DIAPH3: variants seen among roughly 807,000 people sequenced by gnomAD.
The protein encoded by DIAPH3 is diaphanous related formin 3.
In DIAPH3, 117 loss-of-function variants were observed where a neutral mutation model predicts 144.3. The observed-to-expected ratio is 0.81, with a 90% CI of 0.70 to 0.95. The LOEUF is 0.95. Ranked by LOEUF, DIAPH3 falls within the 40% of genes least tolerant of loss-of-function variation. The pLI is 0.00. For missense variants in DIAPH3, 1,421 were observed against 1,412.7 expected (o/e 1.01, Z -0.09); for synonymous variants, 519 against 488.9 (o/e 1.06, Z -0.81).
At chr13:60,076,137 A>G (rs1043281200) in intron 4 of DIAPH3, among the ~76,000 whole-genome samples, 6 of 152,180 alleles carry the variant, frequency 3.9e-5, no homozygotes, top group African/African-American at 9.7e-5. Flanking sequence ...CTGCCACCAA[A>G]GCAGCTCGAA....
At chr13:59,861,320 G>T in intron 22 of DIAPH3, 87 bp downstream of exon 22, 8 of 1,604,388 alleles carry the variant, frequency 5.0e-6, no homozygotes, top group Non-Finnish European at 6.8e-6. Context: ...TGAGAAAGTG[G>T]AAAGTACATA....
At chr13:59,685,642 T>C (rs186127725) in intron 27 of DIAPH3, among the ~76,000 whole-genome samples, 1 of 152,214 alleles carries the variant, frequency 6.6e-6, no homozygotes, top group East Asian at 1.9e-4. Flanking sequence ...AGGGGTACTC[T>C]GTCATCGCCT....
At chr13:59,957,927 G>A (rs758722991) in intron 17 of DIAPH3, among the ~76,000 whole-genome samples, 1 of 152,072 alleles carries the variant, frequency 6.6e-6, no homozygotes, top group Non-Finnish European at 1.5e-5. Flanking sequence ...GTGAAACCCT[G>A]AAAAATAATT....
intron 4 of DIAPH3, among the ~76,000 whole-genome samples, chr13:60,080,334 G>A (rs576370308): frequency 6.6e-6 from 1 of 151,878 alleles, no homozygotes; most frequent in Non-Finnish European, 1.5e-5. Context: ...ATTCTACAAT[G>A]TGTTATAGAA....
chr13:59,712,593 C>T (rs2138840628), intron 27 of DIAPH3, among the ~76,000 whole-genome samples: 1 of 152,320 alleles, frequency 6.6e-6, no homozygotes, highest in South Asian at 2.1e-4. Context: ...ATATCTTATG[C>T]ACCTAGCTCA....
intron 17 of DIAPH3, among the ~76,000 whole-genome samples, chr13:59,936,031 T>C (rs1469243515): frequency 5.9e-5 from 9 of 152,170 alleles, no homozygotes; most frequent in Admixed American, 2.0e-4. Flanking sequence ...TTGAAGGTCT[T>C]TTTTCTGCAA....
chr13:59,929,092 G>C (rs920966065), intron 17 of DIAPH3, among the ~76,000 whole-genome samples: 11 of 152,108 alleles, frequency 7.2e-5, no homozygotes, highest in Non-Finnish European at 1.3e-4. Context: ...ACACTCAAAG[G>C]TTATGTTCAA....
At chr13:60,031,775 C>T (rs1376764342) in intron 5 of DIAPH3, among the ~76,000 whole-genome samples, 1 of 61,066 alleles carries the variant, frequency 1.6e-5, no homozygotes, top group Admixed American at 2.9e-4. Context: ...TGGGGTCTTT[C>T]GCTTTGTCAC....
intron 27 of DIAPH3, among the ~76,000 whole-genome samples, chr13:59,731,730 T>C (rs2035900639): frequency 6.6e-6 from 1 of 152,176 alleles, no homozygotes; most frequent in South Asian, 2.1e-4. Context: ...TATAGTCCTA[T>C]ATAGTTATTA....
intron 27 of DIAPH3, among the ~76,000 whole-genome samples, chr13:59,773,135 T>C (rs577210415): frequency 6.6e-6 from 1 of 152,276 alleles, no homozygotes; most frequent in East Asian, 1.9e-4. Flanking sequence ...TGTATTGTTA[T>C]ACAAGAGAAA....
At chr13:59,839,187 C>A (rs1182260233) in intron 23 of DIAPH3, 137 bp downstream of exon 23, 21 of 970,170 alleles carry the variant, frequency 2.2e-5, no homozygotes, top group Non-Finnish European at 3.1e-6. Flanking sequence ...AATTTCCCTG[C>A]AAGAAGGCAA....
intron 24 of DIAPH3, among the ~76,000 whole-genome samples, chr13:59,815,990 A>T (rs1315179807): frequency 1.3e-5 from 2 of 152,080 alleles, no homozygotes; most frequent in Non-Finnish European, 2.9e-5. Context: ...ACTTTGGAGT[A>T]GGGTGGAGGG....
At chr13:60,002,730 CAGA>C (rs1189264402) in intron 9 of DIAPH3, among the ~76,000 whole-genome samples, 1 of 152,152 alleles carries the variant, frequency 6.6e-6, no homozygotes, top group Non-Finnish European at 1.5e-5. Flanking sequence ...GACATATACA[CAGA>C]AGAAGAACCA....
rs1215971444 is a variant in DIAPH3, at chr13:59,774,790, A to G, written c.3197T>C (p.Leu1066Pro). The G allele has an allele frequency of 3.1e-6, 5 of 1,614,192 alleles. No homozygotes were observed. Among genetic ancestry groups the G allele is most frequent in the Non-Finnish European group, 4.2e-6 (5 of 1,180,024 alleles). ...GGCAGCCCCGGACTGCAAGGCCTCC[A>G]GCAGATTATCCATCACTCCTGTCTC... The part of the protein sequence containing the change: ...GDETGVMDNL[L>P]EALQSGAAFR... The change falls in exon 26 of 28, where the codon CTG becomes CCG. Residue 1066 changes from leucine (L) to proline (P), a missense_variant. By Grantham distance (98) the Leu-to-Pro change is moderately conservative (BLOSUM62 -3). Transcript: ENST00000400324.
At chr13:59,904,493 C>G (rs144103370) in intron 20 of DIAPH3, among the ~76,000 whole-genome samples, 171 of 152,144 alleles carry the variant, frequency 1.1e-3, no homozygotes, top group African/African-American at 3.9e-3. Context: ...GCTCGGGGAG[C>G]AACTGAAGGA....
chr13:59,700,660 TA>T (rs1341448837), intron 27 of DIAPH3, among the ~76,000 whole-genome samples: 2 of 152,100 alleles, frequency 1.3e-5, no homozygotes, highest in African/African-American at 4.8e-5. Context: ...TTCCAGAGGA[TA>T]AAGCCAGTTG....
At chr13:59,987,937 A>G (rs182271953) in intron 12 of DIAPH3, among the ~76,000 whole-genome samples, 60 of 152,014 alleles carry the variant, frequency 3.9e-4, no homozygotes, top group African/African-American at 1.4e-3. Context: ...TCCATCTCAG[A>G]TCATCCCCTA....
At chr13:59,902,982 C>T (rs1017796651) in intron 20 of DIAPH3, among the ~76,000 whole-genome samples, 1 of 152,038 alleles carries the variant, frequency 6.6e-6, no homozygotes, top group Non-Finnish European at 1.5e-5. Context: ...ACTTGAGGGA[C>T]CTTGGACAAC....
At chr13:59,990,307 T>G (rs339527) in intron 12 of DIAPH3, among the ~76,000 whole-genome samples, 84,234 of 151,402 alleles carry the variant, frequency 0.56, 23,960 homozygotes, top group Admixed American at 0.61. Context: ...AGTCATACCC[T>G]CTGATGTTAC....
Sources: gnomAD v4.1 joint callset for allele counts (sites outside exome capture counted in the v4.1 genomes callset) on GRCh38, gnomAD v4.1.1 for gene constraint, MANE v1.5 for transcripts, NCBI Gene and HGNC (gene_info 2026-07-23, HGNC 2026-07-21) for gene names.